PAK2: variants seen among roughly 807,000 people sequenced by gnomAD.
The protein encoded by PAK2 is serine/threonine-protein kinase PAK 2.
PAK2 carries 21 observed loss-of-function variants against 65.9 expected under a neutral mutation model. The ratio of observed to expected loss-of-function variants is 0.32; its 90% confidence interval spans 0.23 to 0.46. The LOEUF (loss-of-function observed/expected upper bound fraction) is 0.46. PAK2 is among the 20% of genes least tolerant of loss of function. The pLI, the probability that PAK2 is intolerant of heterozygous loss-of-function variation, is 1.00. For missense variants in PAK2, 324 were observed against 642.6 expected (o/e 0.50, Z 5.36); for synonymous variants, 204 against 219.7 (o/e 0.93, Z 0.63).
intron 13 of PAK2, among the ~76,000 whole-genome samples, chr3:196,823,851 C>T (rs958139559): frequency 5.3e-5 from 8 of 151,424 alleles, no homozygotes; most frequent in African/African-American, 1.9e-4. Context: ...GGCCCACAGG[C>T]ATATGGGCAT....
chr3:196,759,746 T>C (rs1718434), intron 1 of PAK2, among the ~76,000 whole-genome samples: 148,059 of 151,966 alleles, frequency 0.97, 72,141 homozygotes, highest in East Asian at 1. Flanking sequence ...AGGCTGGTCT[T>C]GAACTCCTGA....
chr3:196,740,725 T>C (rs955199629), intron 1 of PAK2, among the ~76,000 whole-genome samples: 2 of 152,188 alleles, frequency 1.3e-5, no homozygotes, highest in Non-Finnish European at 2.9e-5. Flanking sequence ...GGCCACCGCT[T>C]ACGAACTGAT....
At chr3:196,804,620 G>A (rs1715524036) in intron 4 of PAK2, among the ~76,000 whole-genome samples, 1 of 151,822 alleles carries the variant, frequency 6.6e-6, no homozygotes, top group South Asian at 2.1e-4. Context: ...AGCATGCGCC[G>A]CCACACCTGG....
At chr3:196,740,388 G>A (rs1713148294) in intron 1 of PAK2, among the ~76,000 whole-genome samples, 1 of 152,142 alleles carries the variant, frequency 6.6e-6, no homozygotes, top group Non-Finnish European at 1.5e-5. Context: ...GAAGCTCGCT[G>A]GGCTGCGGAG....
intron 1 of PAK2, among the ~76,000 whole-genome samples, chr3:196,762,897 A>T (rs115407007): frequency 6.6e-6 from 1 of 152,208 alleles, no homozygotes; most frequent in Admixed American, 6.5e-5. Context: ...TCTGGGTCCA[A>T]TCAGGAGAGA....
chr3:196,827,192 T>G lies in PAK2; in HGVS notation c.1351-4T>G, dbSNP rs1577757077. On this transcript the variant is annotated splice_region_variant and splice_polypyrimidine_tract_variant and intron_variant, in intron 13 of 14. Transcript: ENST00000327134. The stretch of plus-strand genomic sequence containing the variant: ...GTGGATCAAAGATGTTCTTCTATTT[T>G]TAGGCCTTGTACCTAATAGCAACTA... 1.3e-6 allele frequency: 2 copies of G among 1,589,398 alleles called. No homozygotes were observed. The highest frequency in any genetic ancestry group is 8.6e-7 in the Non-Finnish European group (1 of 1,164,224).
At chr3:196,761,310 G>T (rs1207301250) in intron 1 of PAK2, among the ~76,000 whole-genome samples, 1 of 102,358 alleles carries the variant, frequency 9.8e-6, no homozygotes, top group African/African-American at 3.9e-5. Context: ...GCGGCCTTCC[G>T]CAGTGTTTGT....
intron 1 of PAK2, among the ~76,000 whole-genome samples, chr3:196,775,392 A>AT (rs199601836): frequency 0.015 from 2,290 of 151,810 alleles, 104 homozygotes; most frequent in Admixed American, 0.096. Flanking sequence ...TTATTTATTT[A>AT]TTTTTTTTGA....
In PAK2 at chr3:196,814,504, C is replaced by A; in HGVS notation, c.989C>A (p.Ser330Ter). Residue 330 changes from serine to a stop codon, truncating the protein, a stop_gained, in exon 11 of 15, where the codon TCA (serine) becomes TAA (stop). Coordinates refer to ENST00000327134, the MANE Select transcript of PAK2 (RefSeq NM_002577.4). LOFTEE classifies it high-confidence loss of function. ...FVVMEYLAGG[S>*]LTDVVTETCM... ...GTCATGGAATACCTTGCTGGGGGGT[C>A]ACTCACTGATGTGGTAACAGAAACG... 1 of 1,561,478 alleles carries A rather than the reference C, an allele frequency of 6.4e-7. No individual in the cohort carries two copies. Among genetic ancestry groups the A allele is most frequent in the Non-Finnish European group, 8.8e-7 (1 of 1,138,168 alleles).
chr3:196,750,209 C>T (rs184314508), intron 1 of PAK2, among the ~76,000 whole-genome samples: 92 of 152,082 alleles, frequency 6.0e-4, no homozygotes, highest in Non-Finnish European at 1.0e-3. Context: ...AGGTTGGTCT[C>T]GAACTCCTGA....
At chr3:196,779,915 C>T (rs891531045) in intron 1 of PAK2, among the ~76,000 whole-genome samples, 1 of 152,226 alleles carries the variant, frequency 6.6e-6, no homozygotes, top group African/African-American at 2.4e-5. Context: ...AAGCAATCCG[C>T]CCACCTTGGC....
intron 2 of PAK2, among the ~76,000 whole-genome samples, chr3:196,787,510 C>T (rs1004165490): frequency 2.0e-5 from 3 of 149,654 alleles, no homozygotes; most frequent in African/African-American, 4.9e-5. Context: ...ACCCGGGAGG[C>T]AGAGCTTGCA....
At chr3:196,804,817 A>C in intron 4 of PAK2, among the ~76,000 whole-genome samples, 1 of 50,670 alleles carries the variant, frequency 2.0e-5, no homozygotes, top group Non-Finnish European at 3.4e-5. Flanking sequence ...ATATATATAT[A>C]TATATATACA....
intron 2 of PAK2, among the ~76,000 whole-genome samples, chr3:196,792,682 A>G (rs1374383849): frequency 6.6e-6 from 1 of 152,228 alleles, no homozygotes; most frequent in Non-Finnish European, 1.5e-5. Context: ...GACTTATCAA[A>G]CAGCATGATT....
chr3:196,815,624 T>TA (rs1260104634), intron 11 of PAK2, among the ~76,000 whole-genome samples: 9 of 151,682 alleles, frequency 5.9e-5, no homozygotes, highest in African/African-American at 2.2e-4. Flanking sequence ...CCGTCTCTAC[T>TA]AAAAATACAA....
At chr3:196,816,703 C>T (rs979750129) in intron 11 of PAK2, among the ~76,000 whole-genome samples, 1 of 152,124 alleles carries the variant, frequency 6.6e-6, no homozygotes, top group East Asian at 1.9e-4. Context: ...GTTGTACAGA[C>T]TTTGTTCTCC....
At position 196,782,738 on chromosome 3, in the gene PAK2, T is replaced by C. The variant is rs1714754681; in HGVS notation, c.92T>C (p.Leu31Ser). The change falls in exon 2 of 15, where the codon TTG becomes TCG. Residue 31 changes from leucine (L) to serine (S), a missense_variant. Leu to Ser is a moderately radical substitution (Grantham distance 145, BLOSUM62 -2). Coordinates refer to ENST00000327134, the MANE Select transcript of PAK2 (RefSeq NM_002577.4). ...TTTAGCACTGGAGGCAAAGACCCTT[T>C]GTCAGCCAATCACAGTTTGAAACCT... ...TIFSTGGKDPLSANHSLKPLP... is the reference protein window; with the variant it reads ...TIFSTGGKDPSSANHSLKPLP... The C allele has an allele frequency of 6.2e-7, 1 of 1,613,220 alleles. No individual in the cohort carries two copies. The highest frequency in any genetic ancestry group is 2.2e-5 in the East Asian group (1 of 44,870).
chr3:196,783,676 C>T (rs887679717), intron 2 of PAK2, among the ~76,000 whole-genome samples: 8 of 152,032 alleles, frequency 5.3e-5, no homozygotes, highest in African/African-American at 1.9e-4. Flanking sequence ...CTCTGAAGTC[C>T]CCATCTGCTA....
intron 11 of PAK2, 137 bp downstream of exon 11, chr3:196,814,705 C>A: frequency 1.6e-6 from 1 of 618,082 alleles, no homozygotes; most frequent in Non-Finnish European, 2.8e-6. Flanking sequence ...ATTACTCCAT[C>A]TCCGTGCCAT....
Sources: gnomAD v4.1 joint callset for allele counts (sites outside exome capture counted in the v4.1 genomes callset) on GRCh38, gnomAD v4.1.1 for gene constraint, MANE v1.5 for transcripts, NCBI Gene and HGNC (gene_info 2026-07-23, HGNC 2026-07-21) for gene names.